The following RTL4 variants were observed in gnomAD, a reference collection of about 807,000 sequenced individuals.
RTL4 encodes the protein retrotransposon Gag like 4, also known as retrotransposon Gag-like protein 4.
In RTL4, 4 loss-of-function variants were observed where a neutral mutation model predicts 5.3. The ratio of observed to expected loss-of-function variants is 0.75; its 90% CI spans 0.37 to 1.72. The LOEUF (loss-of-function observed/expected upper bound fraction) is 1.72, where lower values mean the gene tolerates loss of function less well. RTL4 is among the 40% of genes most tolerant of loss of function. The pLI, the probability that RTL4 is intolerant of heterozygous loss-of-function variation, is 0.04. For synonymous variants in RTL4, 98 were observed against 87.3 expected, an observed-to-expected ratio of 1.12 and a Z score of -0.68; for missense variants, 260 against 227.1, an observed-to-expected ratio of 1.14 and a Z score of -0.93.
chrX:112,180,266 C>T, the RTL4 span, among the ~76,000 whole-genome samples: 3 of 111,153 alleles, frequency 2.7e-5, no homozygotes, highest in Non-Finnish European at 5.7e-5. Flanking sequence ...TCTGGAGGCT[C>T]GACATCTAAA....
chrX:112,091,349 G>A, the RTL4 span, among the ~76,000 whole-genome samples: 1 of 111,181 alleles, frequency 9.0e-6, no homozygotes, highest in African/African-American at 3.3e-5. Context: ...TATTAATTTA[G>A]GTGTTCTTTT....
the RTL4 span, among the ~76,000 whole-genome samples, chrX:112,107,535 G>A: frequency 6.3e-5 from 7 of 111,838 alleles, no homozygotes; most frequent in South Asian, 1.5e-3. Flanking sequence ...GTTTGTCTGG[G>A]AAATTGTATC....
At chrX:112,343,672 G>A in the RTL4 span, among the ~76,000 whole-genome samples, 1 of 111,931 alleles carries the variant, frequency 8.9e-6, no homozygotes, top group South Asian at 3.7e-4. Flanking sequence ...CTTTTAAAAT[G>A]AAGCAGCAGC....
At chrX:112,446,140 A>T in the RTL4 span, among the ~76,000 whole-genome samples, 2 of 112,265 alleles carry the variant, frequency 1.8e-5, no homozygotes, top group African/African-American at 6.5e-5. Flanking sequence ...CCAGTTATGC[A>T]TAGGGCACAA....
chrX:112,120,833 A>T, the RTL4 span, among the ~76,000 whole-genome samples: 3 of 111,794 alleles, frequency 2.7e-5, no homozygotes, highest in Non-Finnish European at 5.6e-5. Context: ...ATGTATGTGC[A>T]TTTCAGTCCC....
At chrX:112,254,719 A>G in the RTL4 span, among the ~76,000 whole-genome samples, 1 of 111,175 alleles carries the variant, frequency 9.0e-6, no homozygotes, top group Admixed American at 9.6e-5. Flanking sequence ...GGCTATGTGA[A>G]GTCCCAGAGA....
chrX:112,090,231 C>T, the RTL4 span, among the ~76,000 whole-genome samples: 1 of 109,712 alleles, frequency 9.1e-6, no homozygotes, highest in Non-Finnish European at 1.9e-5. Context: ...AATTTAGATG[C>T]CATTTATTAT....
At chrX:112,302,772 G>A in the RTL4 span, among the ~76,000 whole-genome samples, 7 of 112,625 alleles carry the variant, frequency 6.2e-5, no homozygotes, top group African/African-American at 2.3e-4. Context: ...ATGAGATAAA[G>A]AGGGGCCCCA....
the RTL4 span, among the ~76,000 whole-genome samples, chrX:112,433,048 G>A: frequency 2.7e-5 from 3 of 109,579 alleles, no homozygotes; most frequent in African/African-American, 6.7e-5. Context: ...TTGTAGATAT[G>A]CGGCATTATT....
At chrX:112,348,535 TA>T in the RTL4 span, among the ~76,000 whole-genome samples, 3 of 110,077 alleles carry the variant, frequency 2.7e-5, no homozygotes, top group African/African-American at 9.9e-5. Context: ...ACAAACCACA[TA>T]ACTATCTTTT....
chrX:112,441,633 T>G, the RTL4 span, among the ~76,000 whole-genome samples: 2 of 112,078 alleles, frequency 1.8e-5, no homozygotes, highest in African/African-American at 6.5e-5. Flanking sequence ...CAGTATCTTA[T>G]AAAGTTAAGC....
the RTL4 span, among the ~76,000 whole-genome samples, chrX:112,142,441 G>T: frequency 8.9e-6 from 1 of 111,878 alleles, no homozygotes; most frequent in Non-Finnish European, 1.9e-5. Context: ...TGGGTTGATT[G>T]TTTAATTCTA....
the RTL4 span, among the ~76,000 whole-genome samples, chrX:112,383,751 C>A: frequency 4.5e-5 from 5 of 111,428 alleles, no homozygotes; most frequent in African/African-American, 1.6e-4. Flanking sequence ...AAAAGAAAAT[C>A]AAATATAACA....
At chrX:112,329,484 C>G in the RTL4 span, among the ~76,000 whole-genome samples, 1 of 110,936 alleles carries the variant, frequency 9.0e-6, no homozygotes, top group African/African-American at 3.3e-5. Flanking sequence ...CTGAATAGAC[C>G]AATAACAGGC....
the RTL4 span, among the ~76,000 whole-genome samples, chrX:112,125,994 G>A: frequency 2.2e-4 from 25 of 111,373 alleles, no homozygotes; most frequent in Non-Finnish European, 4.0e-4. Flanking sequence ...CAGGGCCGGC[G>A]GCCTAAGGTG....
chrX:112,283,800 T>C, the RTL4 span, among the ~76,000 whole-genome samples: 13 of 110,768 alleles, frequency 1.2e-4, no homozygotes, highest in African/African-American at 4.3e-4. Flanking sequence ...CAGTTTCTCA[T>C]ATTTTTATTA....
chrX:112,177,926 A>G, the RTL4 span, among the ~76,000 whole-genome samples: 1 of 110,012 alleles, frequency 9.1e-6, no homozygotes, highest in Non-Finnish European at 1.9e-5. Flanking sequence ...CAACACATAA[A>G]GAAACAGGAG....
the RTL4 span, among the ~76,000 whole-genome samples, chrX:112,414,178 T>C: frequency 0.084 from 9,353 of 110,700 alleles, 341 homozygotes; most frequent in African/African-American, 0.13. Flanking sequence ...CTTTCCCCAC[T>C]TTTTTTTGTT....
At chrX:112,240,752 T>A in the RTL4 span, among the ~76,000 whole-genome samples, 1 of 111,320 alleles carries the variant, frequency 9.0e-6, no homozygotes, top group Non-Finnish European at 1.9e-5. Flanking sequence ...CGTATACATG[T>A]GCCATGTTGG....
Sources: allele counts gnomAD v4.1 joint callset (sites outside exome capture counted in the v4.1 genomes callset), GRCh38; gene constraint gnomAD v4.1.1; transcripts MANE v1.5; gene names NCBI Gene and HGNC (gene_info 2026-07-23, HGNC 2026-07-21).